The following BICC1 variants were observed in gnomAD, a reference collection of about 807,000 sequenced individuals.
The protein encoded by BICC1 is BicC family RNA binding protein 1, also known as protein bicaudal C homolog 1.
Under a neutral mutation model 111.0 loss-of-function variants are expected in BICC1, and 43 were observed. The ratio of observed to expected loss-of-function variants is 0.39; its 90% CI spans 0.30 to 0.50. The LOEUF is 0.50. Ranked by LOEUF, BICC1 falls within the 20% of genes least tolerant of loss-of-function variation. BICC1 has a pLI of 0.88. For synonymous variants in BICC1, 467 were observed against 434.4 expected, an observed-to-expected ratio of 1.07 and a Z score of -0.93; for missense variants, 1,091 against 1,203.2, an observed-to-expected ratio of 0.91 and a Z score of 1.38.
chr10:58,526,582 C>T (rs1842548789), intron 1 of BICC1, among the ~76,000 whole-genome samples: 1 of 103,036 alleles, frequency 9.7e-6, no homozygotes, highest in Non-Finnish European at 2.4e-5. Flanking sequence ...TCCCTGCTCC[C>T]CCCACCCCAC....
chr10:58,787,024 A>T lies in BICC1; in HGVS notation c.489A>T (p.Gly163=). ...TTAAAAAAGTGATGGAAGAAACCGG[A>T]TGCCATATCCACTTTCCAGATTCCA... ...NNIKKVMEET[G]CHIHFPDSNR... The change falls in exon 5 of 21, where the codon GGA becomes GGT. Residue 163 remains glycine (G), a synonymous_variant. Coordinates refer to ENST00000373886, the MANE Select transcript of BICC1 (RefSeq NM_001080512.3). The T allele has an allele frequency of 1.9e-6, 3 of 1,607,978 alleles. No individual in the cohort carries two copies. The highest frequency in any genetic ancestry group is 2.5e-6 in the Non-Finnish European group (3 of 1,177,604).
intron 2 of BICC1, among the ~76,000 whole-genome samples, chr10:58,659,932 T>C (rs746617779): frequency 3.9e-5 from 6 of 152,182 alleles, no homozygotes; most frequent in Non-Finnish European, 7.3e-5. Flanking sequence ...TGACATGTAG[T>C]ATTATATTGT....
chr10:58,571,278 T>C (rs1843941563), intron 1 of BICC1, among the ~76,000 whole-genome samples: 1 of 152,166 alleles, frequency 6.6e-6, no homozygotes, highest in African/African-American at 2.4e-5. Context: ...TTAAATACTT[T>C]TTCGTTGCAG....
chr10:58,730,847 G>T (rs960064682), intron 3 of BICC1, among the ~76,000 whole-genome samples: 1 of 152,024 alleles, frequency 6.6e-6, no homozygotes, highest in Non-Finnish European at 1.5e-5. Flanking sequence ...GGGGTTGCAG[G>T]GCCCTTGGCC....
At chr10:58,737,957 G>T (rs964224460) in intron 3 of BICC1, among the ~76,000 whole-genome samples, 15 of 151,958 alleles carry the variant, frequency 9.9e-5, no homozygotes, top group South Asian at 2.1e-4. Context: ...CTTGTAAATT[G>T]GTTTGAGTTC....
chr10:58,725,827 A>G (rs189376495), intron 3 of BICC1, among the ~76,000 whole-genome samples: 12 of 152,334 alleles, frequency 7.9e-5, no homozygotes, highest in Non-Finnish European at 1.5e-4. Flanking sequence ...TCATGTTTTC[A>G]GGGAAAAGGG....
chr10:58,689,050 C>G (rs1357501088), intron 2 of BICC1, among the ~76,000 whole-genome samples: 2 of 152,038 alleles, frequency 1.3e-5, no homozygotes, highest in Admixed American at 1.3e-4. Flanking sequence ...CAACAAAAAA[C>G]AAGAAAACAT....
At chr10:58,828,151 G>A (rs1844453945) in intron 20 of BICC1, among the ~76,000 whole-genome samples, 1 of 152,154 alleles carries the variant, frequency 6.6e-6, no homozygotes, top group African/African-American at 2.4e-5. Flanking sequence ...GTTATACATG[G>A]ATTTTTGACT....
intron 2 of BICC1, among the ~76,000 whole-genome samples, chr10:58,697,106 C>T (rs182120210): frequency 1.3e-5 from 2 of 152,266 alleles, no homozygotes; most frequent in Non-Finnish European, 2.9e-5. Flanking sequence ...GAGGCATCAG[C>T]GTCATATTTT....
chr10:58,729,058 G>C (rs993885606), intron 3 of BICC1, among the ~76,000 whole-genome samples: 1 of 152,144 alleles, frequency 6.6e-6, no homozygotes, highest in Admixed American at 6.5e-5. Context: ...AATGGTAAAT[G>C]ATCATTGGCT....
intron 3 of BICC1, among the ~76,000 whole-genome samples, chr10:58,756,889 A>G (rs778180758): frequency 2.6e-4 from 39 of 152,190 alleles, no homozygotes; most frequent in Non-Finnish European, 8.8e-5. Flanking sequence ...GTAGATTTAG[A>G]TAACATGATT....
chr10:58,759,478 T>C (rs530110493), intron 3 of BICC1, among the ~76,000 whole-genome samples: 9 of 152,280 alleles, frequency 5.9e-5, no homozygotes, highest in African/African-American at 2.2e-4. Context: ...GCTCTGGGTA[T>C]TTATTGTATG....
intron 3 of BICC1, among the ~76,000 whole-genome samples, chr10:58,784,753 A>G (rs1372012545): frequency 6.6e-6 from 1 of 152,162 alleles, no homozygotes; most frequent in Non-Finnish European, 1.5e-5. Flanking sequence ...GTAAAAAGAA[A>G]TGTAAATTTA....
At chr10:58,703,199 C>T (rs1840291125) in intron 3 of BICC1, among the ~76,000 whole-genome samples, 1 of 146,472 alleles carries the variant, frequency 6.8e-6, no homozygotes, top group Admixed American at 6.9e-5. Flanking sequence ...GGGTCTCACT[C>T]TGTCACCCAG....
Position 58,795,322 on chromosome 10 carries a change from T to C in BICC1, c.1180-1018T>C, listed in dbSNP as rs564772503. 2.1e-4 allele frequency among the ~76,000 whole-genome samples: 32 copies of C among 152,342 alleles called. No individual in the cohort carries two copies. The South Asian group carries it at 3.1e-3, about 15-fold the overall frequency. Reference sequence around the variant, plus strand: ...TTAAAGGAAAAGATAGCATTGATTCTAAGTGAACTTGATATAATTAGTTTA... The same window carrying C: ...TTAAAGGAAAAGATAGCATTGATTCCAAGTGAACTTGATATAATTAGTTTA... On this transcript the variant is annotated intron_variant, in intron 9 of 20. Coordinates refer to ENST00000373886, the MANE Select transcript of BICC1 (RefSeq NM_001080512.3).
At chr10:58,527,727 G>C (rs938336943) in intron 1 of BICC1, among the ~76,000 whole-genome samples, 1 of 151,960 alleles carries the variant, frequency 6.6e-6, no homozygotes, top group South Asian at 2.1e-4. Context: ...TAGACCAGAT[G>C]GTTGTAGATA....
At position 58,757,350 on chromosome 10, in the gene BICC1, C is replaced by T. The variant is rs12255180; in HGVS notation, c.308-27651C>T. Among the ~76,000 whole-genome samples, 647 of 152,170 alleles carry T rather than the reference C, an allele frequency of 4.3e-3. 5 individuals are homozygous for T. Among genetic ancestry groups the T allele is most frequent in the African/African-American group, 0.015 (622 of 41,510 alleles). ...CATTTTCTATAGGACGAGTATTTGACGTTATGGTTAAATATAGTACCAATT... is the reference window on the plus strand; with the variant it reads ...CATTTTCTATAGGACGAGTATTTGATGTTATGGTTAAATATAGTACCAATT... On this transcript the variant is annotated intron_variant, in intron 3 of 20. Coordinates refer to ENST00000373886, the MANE Select transcript of BICC1 (RefSeq NM_001080512.3).
intron 2 of BICC1, among the ~76,000 whole-genome samples, chr10:58,674,893 A>G (rs1356113956): frequency 6.6e-6 from 1 of 152,166 alleles, no homozygotes; most frequent in African/African-American, 2.4e-5. Context: ...CTGGTTATGG[A>G]TAGTCTTAAA....
In BICC1 at chr10:58,801,055, T is replaced by C. The variant is rs766633006; in HGVS notation, c.2015+9T>C. 1.0e-5 allele frequency: 16 copies of C among 1,581,234 alleles called. No homozygotes were observed. The Admixed American group carries it at 1.9e-4, about 18-fold the overall frequency. The stretch of plus-strand genomic sequence containing the variant: ...AAAAACTCACACTTACAGTATGTAT[T>C]TTAATCTTTAAAGAGCCCTTGATAT... On this transcript the variant is annotated intron_variant, in intron 14 of 20. Coordinates refer to ENST00000373886, the MANE Select transcript of BICC1 (RefSeq NM_001080512.3).
Sources: allele counts gnomAD v4.1 joint callset (sites outside exome capture counted in the v4.1 genomes callset), GRCh38; gene constraint gnomAD v4.1.1; transcripts MANE v1.5; gene names NCBI Gene and HGNC (gene_info 2026-07-23, HGNC 2026-07-21).